The following GRIP2 variants were observed in gnomAD, a reference collection of about 807,000 sequenced individuals.
GRIP2 encodes glutamate receptor-interacting protein 2.
Under a neutral mutation model 108.3 loss-of-function variants are expected in GRIP2, and 58 were observed. That is an observed-to-expected ratio of 0.54 (90% confidence interval 0.43 to 0.67). GRIP2 has a LOEUF of 0.67. Ranked by LOEUF, GRIP2 falls within the 30% of genes least tolerant of loss-of-function variation. The pLI is 0.00. For missense variants in GRIP2, 1,278 were observed against 1,430.6 expected, an observed-to-expected ratio of 0.89 and a Z score of 1.72; for synonymous variants, 586 against 598.2, an observed-to-expected ratio of 0.98 and a Z score of 0.30.
At chr3:14,514,508 TGAGCCGCCCCACG>T (rs1421668965) in intron 11 of GRIP2, 30 bp from the exon 12 acceptor site, 3 of 1,510,650 alleles carry the variant, frequency 2.0e-6, no homozygotes, top group Non-Finnish European at 1.8e-6. Context: ...AGCATTCAGG[TGAGCCGCCCCACG>T]GAGGTCTTCC....
the GRIP2 span, among the ~76,000 whole-genome samples, chr3:14,578,953 A>G: frequency 2.0e-4 from 30 of 151,990 alleles, no homozygotes; most frequent in African/African-American, 6.8e-4. Context: ...GCAACCCAGC[A>G]ATCCCACTCC....
chr3:14,495,210 C>T (rs370759895), intron 22 of GRIP2, among the ~76,000 whole-genome samples: 3 of 151,008 alleles, frequency 2.0e-5, no homozygotes, highest in African/African-American at 4.9e-5. Flanking sequence ...CACTCAAGTA[C>T]GACGGAGCCC....
At chr3:14,602,335 G>C in the GRIP2 span, 1 of 152,092 alleles carries the variant, frequency 6.6e-6, no homozygotes, top group African/African-American at 2.4e-5. This position sits in a 1 kb window ranked among gnomAD's most constrained non-coding sequence, Gnocchi z 4.7. Flanking sequence ...GCCCGGGCAG[G>C]GGGCAGTGCG....
upstream of GRIP2, chr3:14,540,349 G>A (rs1484095266): frequency 2.5e-6 from 4 of 1,612,492 alleles, no homozygotes; most frequent in Non-Finnish European, 3.4e-6. The surrounding 1 kb of genome is among the most constrained non-coding windows in gnomAD (Gnocchi z 4.1). Context: ...ACTCCCTCGG[G>A]AGCCACGCTG....
At position 14,521,808 on chromosome 3, in the gene GRIP2, CCAGCCTGGCCCGGCAG is replaced by C; in HGVS notation, c.567-37_567-22del. The C allele has an allele frequency of 6.4e-7, 1 of 1,561,122 alleles. No individual in the cohort carries two copies. The highest frequency in any genetic ancestry group is 8.7e-7 in the Non-Finnish European group (1 of 1,153,732). ...CCTCCCTGTAGGGAAGGGCCAGTCA[CCAGCCTGGCCCGGCAG>C]CAGCACTGGGCACAGCCTGTCTGGG... On this transcript the variant is annotated intron_variant, in intron 6 of 23. Transcript: ENST00000621039. The surrounding 1 kb of genome is among the most constrained non-coding windows in gnomAD (Gnocchi z 5.1).
At chr3:14,574,611 A>T in the GRIP2 span, 1 of 685,866 alleles carries the variant, frequency 1.5e-6, no homozygotes, top group Non-Finnish European at 2.7e-6. Flanking sequence ...TTCATGGAGG[A>T]TACCTTCCTG....
At chr3:14,510,082 G>C in intron 16 of GRIP2, 118 bp from the exon 17 acceptor site, 1 of 971,452 alleles carries the variant, frequency 1.0e-6, no homozygotes, top group East Asian at 3.2e-5. Context: ...AGTCACTCAC[G>C]CTCTGATTTC....
At chr3:14,544,660 C>T (rs142216239), upstream of GRIP2, among the ~76,000 whole-genome samples, 213 of 152,306 alleles carry the variant, frequency 1.4e-3, no homozygotes, top group African/African-American at 4.9e-3. Flanking sequence ...CTGGGCTGTC[C>T]GTTGCTTCTT....
At position 14,512,768 on chromosome 3, in the gene GRIP2, G is replaced by A. The variant is rs751206997; in HGVS notation, c.1720+9C>T. On this transcript the variant is annotated intron_variant, in intron 14 of 23. Transcript: ENST00000621039. This position sits in a 1 kb window ranked among gnomAD's most constrained non-coding sequence, Gnocchi z 5.1. ...TCCCAGGGGCAAACAGCAGCGGGAG[G>A]AGACTCACAGCTGATGGTGATGCCC... is the stretch of plus-strand genomic sequence containing the variant. The A allele has an allele frequency of 3.7e-6, 6 of 1,612,476 alleles. No individual in the cohort carries two copies. The highest frequency in any genetic ancestry group is 3.4e-6 in the Non-Finnish European group (4 of 1,179,104).
At chr3:14,568,086 G>A in the GRIP2 span, among the ~76,000 whole-genome samples, 1 of 152,208 alleles carries the variant, frequency 6.6e-6, no homozygotes, top group Non-Finnish European at 1.5e-5. Context: ...TGGGGTCCCA[G>A]GGGCAGACCA....
rs754109108 is a variant in GRIP2, at chr3:14,517,121, T to C, written c.1249A>G (p.Ser417Gly). The C allele has an allele frequency of 6.8e-6, 11 of 1,610,244 alleles. No individual in the cohort carries two copies. The highest frequency in any genetic ancestry group is 8.5e-6 in the Non-Finnish European group (10 of 1,178,568). The change falls in exon 11 of 24, where the codon AGT (serine) becomes GGT (glycine). Residue 417 changes from serine to glycine, a missense_variant. Ser to Gly is a moderately conservative substitution (Grantham distance 56). Transcript: ENST00000621039. ...CTCCGCCCCATTGTAGTTCGAGGAC[T>C]CATGGGCTGGGATCCACGGGGAAGG... ...STLPRGSQPM[S>G]PRTTMGRRRQ...
intron 1 of GRIP2, among the ~76,000 whole-genome samples, chr3:14,532,743 C>A (rs1045716691): frequency 2.0e-5 from 3 of 151,636 alleles, no homozygotes; most frequent in African/African-American, 7.3e-5. Context: ...AAGGGCTGGG[C>A]GCAGACTGAG....
the GRIP2 span, among the ~76,000 whole-genome samples, chr3:14,568,938 C>T: frequency 1.3e-5 from 2 of 152,312 alleles, no homozygotes; most frequent in African/African-American, 4.8e-5. Flanking sequence ...TTACCCTCTC[C>T]ATGTCTCGGC....
At chr3:14,499,952 G>T (rs1693723136) in intron 21 of GRIP2, among the ~76,000 whole-genome samples, 1 of 152,104 alleles carries the variant, frequency 6.6e-6, no homozygotes, top group African/African-American at 2.4e-5. Flanking sequence ...AAAATTCAAA[G>T]CTATCCTGGG....
At chr3:14,525,740 G>A in intron 2 of GRIP2, 111 bp downstream of exon 2, 1 of 1,306,044 alleles carries the variant, frequency 7.7e-7, no homozygotes, top group Non-Finnish European at 1.1e-6. Context: ...TTAAGTGGCT[G>A]GTCTAAGGTC....
At chr3:14,588,549 C>G in the GRIP2 span, among the ~76,000 whole-genome samples, 4 of 152,126 alleles carry the variant, frequency 2.6e-5, no homozygotes, top group African/African-American at 9.7e-5. Context: ...TGGGGTCCAG[C>G]CTCACTGTAA....
rs764310346 is a variant in GRIP2 at position 14,511,090 on chromosome 3, C to T, written c.1933+75G>A. ...CCTCCCTTCCTCGGCTGGAGGGAGC[C>T]CTGAATTGCAAGCTGGGAACCCGCT... On this transcript the variant is annotated intron_variant, in intron 16 of 23. Transcript: ENST00000621039. This position sits in a 1 kb window ranked among gnomAD's most constrained non-coding sequence, Gnocchi z 4.1. 187 of 1,553,966 alleles carry T rather than the reference C, an allele frequency of 1.2e-4. No homozygotes were observed. The highest frequency in any genetic ancestry group is 1.5e-4 in the Non-Finnish European group (169 of 1,143,308).
intron 1 of GRIP2, among the ~76,000 whole-genome samples, chr3:14,539,738 C>T (rs1274542442): frequency 2.0e-5 from 3 of 152,258 alleles, no homozygotes; most frequent in African/African-American, 4.8e-5. Context: ...CAGCTGTGAT[C>T]CCCCATCCCA....
intron 1 of GRIP2, among the ~76,000 whole-genome samples, chr3:14,530,326 T>A (rs1186081759): frequency 6.6e-6 from 1 of 151,932 alleles, no homozygotes. Context: ...CGCACAAACA[T>A]CCCCCCATTC....
Sources: gnomAD v4.1 joint callset for allele counts (sites outside exome capture counted in the v4.1 genomes callset) on GRCh38, gnomAD v4.1.1 for gene constraint, Gnocchi (gnomAD v3.1) non-coding constraint, MANE v1.5 for transcripts, NCBI Gene and HGNC (gene_info 2026-07-23, HGNC 2026-07-21) for gene names.